Variants in ENOSF1 observed in about 807,000 individuals in gnomAD.
The protein encoded by ENOSF1 is mitochondrial enolase superfamily member 1.
Under a neutral mutation model 68.2 loss-of-function variants are expected in ENOSF1, and 73 were observed. That is an observed-to-expected ratio of 1.07 (90% CI 0.89 to 1.30). The LOEUF (loss-of-function observed/expected upper bound fraction) is 1.30. ENOSF1 is among the 50% of genes most tolerant of loss of function. The pLI is 0.00. For synonymous variants in ENOSF1, 223 were observed against 210.4 expected (o/e 1.06, Z -0.52); for missense variants, 589 against 554.5 (o/e 1.06, Z -0.62).
At chr18:699,636 G>C (rs1037906015) in intron 2 of ENOSF1, among the ~76,000 whole-genome samples, 17 of 152,170 alleles carry the variant, frequency 1.1e-4, no homozygotes, top group Admixed American at 1.1e-3. Context: ...CATCAACTTA[G>C]CTTCAAAGAA....
chr18:712,557 C>T lies in ENOSF1; in HGVS notation c.31G>A (p.Val11Ile), dbSNP rs376568535. 1.9e-6 allele frequency: 3 copies of T among 1,539,526 alleles called. No homozygotes were observed. The African/African-American group carries it at 4.1e-5, about 21-fold the overall frequency. Residue 11 changes from valine to isoleucine, a missense_variant, in exon 1 of 16, where the codon GTC (valine) becomes ATC (isoleucine). Coordinates refer to ENST00000647584, the MANE Select transcript of ENOSF1 (RefSeq NM_017512.7). ...GACGTGGGGAAGCGCACGTCCCGGA[C>T]CGAGAGCCGGGAGATCCTGCCGCGC... MVRGRISRLS[V>I]RDVRFPTSLG...
chr18:708,202 G>T (rs193096731), intron 1 of ENOSF1, among the ~76,000 whole-genome samples: 1 of 152,080 alleles, frequency 6.6e-6, no homozygotes, highest in Non-Finnish European at 1.5e-5. Context: ...CCTGTATTGG[G>T]GTGTCGTGGC....
chr18:693,636 A>G, intron 5 of ENOSF1: 1 of 985,416 alleles, frequency 1.0e-6, no homozygotes, highest in Non-Finnish European at 1.2e-6. Flanking sequence ...TGTGTTACAC[A>G]TGCACAGTGG....
At chr18:694,796 T>C (rs1373527064) in intron 3 of ENOSF1, among the ~76,000 whole-genome samples, 1 of 142,492 alleles carries the variant, frequency 7.0e-6, no homozygotes, top group East Asian at 1.9e-4. Context: ...CACCTGTGTT[T>C]TCCTCTCTTC....
rs751400199 is a variant in ENOSF1 at position 691,092 on chromosome 18, C to G, written c.511G>C (p.Gly171Arg). The stretch of plus-strand genomic sequence containing the variant: ...CCTCTTTCTTTTTTACCAATTTGAC[C>G]TTTCTGCAGTATTTCTGGAAGAAAT... ...EEDALEILQK[G>R]QIGKKEREKQ... is the part of the protein sequence containing the mutation. Residue 171 changes from glycine to arginine, a missense_variant, in exon 7 of 16, where the codon GGT becomes CGT. By Grantham distance (125) the Gly-to-Arg change is moderately radical (BLOSUM62 -2). Coordinates refer to ENST00000647584, the MANE Select transcript of ENOSF1 (RefSeq NM_017512.7). 3.1e-6 allele frequency: 5 copies of G among 1,614,176 alleles called. No homozygotes were observed. The Admixed American group carries it at 6.7e-5, about 22-fold the overall frequency.
At chr18:710,177 C>G (rs528268849) in intron 1 of ENOSF1, among the ~76,000 whole-genome samples, 1 of 151,830 alleles carries the variant, frequency 6.6e-6, no homozygotes, top group East Asian at 1.9e-4. Flanking sequence ...GACACAATTA[C>G]AGCTCACTGC....
downstream of ENOSF1, among the ~76,000 whole-genome samples, chr18:666,937 GGAGAT>G (rs1235478735): frequency 2.5e-5 from 1 of 40,722 alleles, no homozygotes; most frequent in African/African-American, 7.3e-5. Flanking sequence ...TGATGGTGAT[GGAGAT>G]GGTGATGGTG....
In ENOSF1 at chr18:670,597, T is replaced by C; in HGVS notation, c.*3708A>G. ...GCTCTCTCTCCTGGTCTCCACCATA[T>C]GAGTTGGCTTCTGTTTCTCTCCTGT... On this transcript the variant is annotated 3_prime_UTR_variant, in exon 16 of 16. Transcript: ENST00000647584. 2.2e-6 allele frequency: 3 copies of C among 1,357,514 alleles called. No homozygotes were observed. The highest frequency in any genetic ancestry group is 3.8e-5 in the Admixed American group (2 of 53,134). 84.1% of individuals were successfully genotyped at this position (1,357,514 alleles called of 1,614,324 possible).
Position 675,388 on chromosome 18 carries a change from A to G in ENOSF1, c.1163T>C (p.Val388Ala), listed in dbSNP as rs777083568. The G allele has an allele frequency of 2.6e-5, 42 of 1,612,750 alleles. No homozygotes were observed. The highest frequency in any genetic ancestry group is 3.0e-5 in the Non-Finnish European group (35 of 1,179,718). ...CTTGAAATGCTCATGCAGGTGGTCA[A>G]CATACTCACACACCCTAGGAGGAGG... The part of the protein sequence containing the change: ...ASLENRVCEY[V>A]DHLHEHFKYP... The change falls in exon 15 of 16, where the codon GTT becomes GCT. Residue 388 changes from valine to alanine, a missense_variant. Physicochemically the swap from Val to Ala is moderately conservative, Grantham distance 64. Coordinates refer to ENST00000647584, the MANE Select transcript of ENOSF1 (RefSeq NM_017512.7).
chr18:679,398 A>G (rs2741185), intron 11 of ENOSF1, among the ~76,000 whole-genome samples: 27,972 of 151,316 alleles, frequency 0.18, 3,103 homozygotes, highest in Admixed American at 0.26. Context: ...TAATAGAGTC[A>G]GGGTTTTGCC....
chr18:697,343 A>G lies in ENOSF1; in HGVS notation c.206T>C (p.Val69Ala), dbSNP rs1256284888. ...GKGTEVVVCAVNALAHHVLNK... is the reference protein window; with the variant it reads ...GKGTEVVVCAANALAHHVLNK... ...GAGCACATGGTGGGCGAGGGCATTC[A>G]CAGCACAGACAACTATTTAAAAAGG... Residue 69 changes from valine (V) to alanine (A), a missense_variant, in exon 3 of 16, where the codon GTG becomes GCG. Transcript: ENST00000647584. 6.2e-7 allele frequency: 1 copy of G among 1,612,150 alleles called. No homozygotes were observed. Among genetic ancestry groups the G allele is most frequent in the Non-Finnish European group, 8.5e-7 (1 of 1,179,226 alleles).
chr18:700,878 G>A (rs2741169), intron 2 of ENOSF1, among the ~76,000 whole-genome samples: 29,944 of 114,284 alleles, frequency 0.26, 3,511 homozygotes, highest in Admixed American at 0.36. Flanking sequence ...CGACAAGAGC[G>A]AAACTCTGCC....
Position 690,605 on chromosome 18 carries a change from G to T in ENOSF1, c.562C>A (p.Pro188Thr), listed in dbSNP as rs1215316751. The T allele has an allele frequency of 1.4e-5, 22 of 1,613,272 alleles. No homozygotes were observed. The highest frequency in any genetic ancestry group is 1.9e-5 in the Non-Finnish European group (22 of 1,179,994). Residue 188 changes from proline to threonine, a missense_variant, in exon 8 of 16, where the codon CCT becomes ACT. By Grantham distance (38) the Pro-to-Thr change is conservative. Transcript: ENST00000647584. ...REKQMLAQGY[P>T]AYTTSCAWLG... ...CAGGCGCACGATGTCGTGTAAGCAG[G>T]GTATCCTTGTGCCAGCATTTGCTTC...
chr18:693,936 A>G, intron 4 of ENOSF1, 28 bp from the exon 5 acceptor site: 1 of 1,613,362 alleles, frequency 6.2e-7, no homozygotes, highest in South Asian at 1.1e-5. Flanking sequence ...AGGATTTGTA[A>G]GACATATGTG....
In ENOSF1 at chr18:671,813, T is replaced by C. The variant is rs767135451; in HGVS notation, c.*2492A>G. 8.0e-6 allele frequency: 2 copies of C among 249,158 alleles called. No homozygotes were observed. Among genetic ancestry groups the C allele is most frequent in the Middle Eastern group, 1.3e-3 (1 of 758 alleles). The allele number at this position is 249,158 out of a possible 1,614,324, so 15.4% of individuals were successfully genotyped here. On this transcript the variant is annotated 3_prime_UTR_variant, in exon 16 of 16. Coordinates refer to ENST00000647584, the MANE Select transcript of ENOSF1 (RefSeq NM_017512.7). ...TTTTTTTTGAGATGGAGTCTTTCTC[T>C]GTCGGCCAGGCTGGAGTGTGCCGTG...
intron 15 of ENOSF1, 37 bp from the exon 16 acceptor site, chr18:674,443 C>A (rs751091656): frequency 7.6e-7 from 1 of 1,307,680 alleles, no homozygotes; most frequent in Non-Finnish European, 1.1e-6. Flanking sequence ...TGTTAACAAC[C>A]ACCTGGAACA....
At chr18:675,531 T>TGCCCGGCTAATTGTTACCGG (rs2075402634) in intron 14 of ENOSF1, 129 bp from the exon 15 acceptor site, 1 of 797,710 alleles carries the variant, frequency 1.3e-6, no homozygotes, top group Non-Finnish European at 2.1e-6. Context: ...TGTGTTACCA[T>TGCCCGGCTAATTGTTACCGG]GCGTTTCTAG....
At chr18:686,208 G>T in intron 9 of ENOSF1, 200 bp from the exon 10 acceptor site, 2 of 545,694 alleles carry the variant, frequency 3.7e-6, no homozygotes, top group African/African-American at 1.9e-5. Flanking sequence ...TCAGGGCAAT[G>T]ACTCTCAATT....
chr18:663,738 T>G, the ENOSF1 span, among the ~76,000 whole-genome samples: 1 of 108,422 alleles, frequency 9.2e-6, no homozygotes, highest in Non-Finnish European at 1.8e-5. Context: ...TACATATGGC[T>G]AGCCAGTTTT....
Sources: allele counts gnomAD v4.1 joint callset (sites outside exome capture counted in the v4.1 genomes callset), GRCh38; gene constraint gnomAD v4.1.1; transcripts MANE v1.5; gene names NCBI Gene and HGNC (gene_info 2026-07-23, HGNC 2026-07-21).